Variants in PPP2R2A observed in about 807,000 individuals in gnomAD.
PPP2R2A encodes protein phosphatase 2 regulatory subunit Balpha, also known as serine/threonine-protein phosphatase 2A 55 kDa regulatory subunit B alpha isoform.
PPP2R2A carries 9 observed loss-of-function variants against 53.2 expected under a neutral mutation model. That is an observed-to-expected ratio of 0.17 (90% CI 0.10 to 0.30). The LOEUF (loss-of-function observed/expected upper bound fraction) is 0.30. Among genes scored for constraint, PPP2R2A ranks in the 10% least tolerant of loss-of-function variants. PPP2R2A has a pLI of 1.00. For missense variants in PPP2R2A, 235 were observed against 534.6 expected, an observed-to-expected ratio of 0.44 and a Z score of 5.53; for synonymous variants, 169 against 174.2, an observed-to-expected ratio of 0.97 and a Z score of 0.23.
intron 2 of PPP2R2A, among the ~76,000 whole-genome samples, chr8:26,303,380 G>A (rs1412279705): frequency 6.6e-6 from 1 of 152,126 alleles, no homozygotes; most frequent in Admixed American, 6.5e-5. Context: ...GCCTAATTTA[G>A]TGCCACTCCT....
At chr8:26,357,963 T>A (rs1215754487) in intron 4 of PPP2R2A, among the ~76,000 whole-genome samples, 4 of 152,104 alleles carry the variant, frequency 2.6e-5, no homozygotes, top group African/African-American at 9.7e-5. Flanking sequence ...CTTTGTCTTA[T>A]GGGCCAAAAA....
At chr8:26,306,475 GA>G (rs35167661) in intron 2 of PPP2R2A, among the ~76,000 whole-genome samples, 60,739 of 108,196 alleles carry the variant, frequency 0.56, 14,213 homozygotes, top group South Asian at 0.63. Flanking sequence ...GACTCTGTCT[GA>G]AAAAAAAAAA....
At chr8:26,316,458 G>T (rs1168787784) in intron 2 of PPP2R2A, among the ~76,000 whole-genome samples, 2 of 152,128 alleles carry the variant, frequency 1.3e-5, no homozygotes, top group African/African-American at 4.8e-5. Context: ...AGGTTTTAAA[G>T]AACTTAATAT....
chr8:26,293,390 C>T, intron 1 of PPP2R2A: 1 of 950,938 alleles, frequency 1.1e-6, no homozygotes, highest in Non-Finnish European at 1.6e-6. Flanking sequence ...GAATGTAAGG[C>T]TTTTACTGTA....
intron 2 of PPP2R2A, among the ~76,000 whole-genome samples, chr8:26,312,413 C>T (rs534620418): frequency 1.0e-3 from 153 of 152,278 alleles, no homozygotes; most frequent in African/African-American, 3.3e-3. Flanking sequence ...GGTGTTGCTG[C>T]TGGTGGTCCC....
intron 3 of PPP2R2A, among the ~76,000 whole-genome samples, chr8:26,349,263 T>C (rs1234224942): frequency 2.0e-5 from 3 of 152,138 alleles, no homozygotes; most frequent in African/African-American, 7.2e-5. Context: ...TGGGGATTTT[T>C]GTTTTGTTTT....
chr8:26,343,194 ATAAAT>A (rs1804037102), intron 3 of PPP2R2A, among the ~76,000 whole-genome samples: 1 of 152,028 alleles, frequency 6.6e-6, no homozygotes, highest in African/African-American at 2.4e-5. Context: ...TAAAAAATAA[ATAAAT>A]AAAATACAGA....
At chr8:26,330,312 T>C (rs1281185583) in intron 2 of PPP2R2A, among the ~76,000 whole-genome samples, 44 of 144,306 alleles carry the variant, frequency 3.0e-4, no homozygotes, top group South Asian at 1.3e-3. Context: ...TTTTTCTTTT[T>C]TTTTTTTTTT....
intron 3 of PPP2R2A, among the ~76,000 whole-genome samples, chr8:26,348,126 A>G (rs1194986983): frequency 2.0e-5 from 3 of 152,144 alleles, no homozygotes; most frequent in Admixed American, 1.3e-4. Context: ...ATAGAAGATG[A>G]ACATTAATAA....
intron 2 of PPP2R2A, among the ~76,000 whole-genome samples, chr8:26,320,720 CG>C (rs1298448262): frequency 3.9e-5 from 6 of 152,092 alleles, no homozygotes; most frequent in Non-Finnish European, 8.8e-5. Flanking sequence ...ATGTTTTAAA[CG>C]GAACCAAGTT....
chr8:26,296,540 A>G (rs2117186142), intron 2 of PPP2R2A, among the ~76,000 whole-genome samples: 1 of 152,300 alleles, frequency 6.6e-6, no homozygotes, highest in South Asian at 2.1e-4. Flanking sequence ...GAAATAACCT[A>G]TTTTTAAAGT....
At chr8:26,366,628 A>AT (rs1224313569) in intron 9 of PPP2R2A, among the ~76,000 whole-genome samples, 1 of 152,054 alleles carries the variant, frequency 6.6e-6, no homozygotes, top group Non-Finnish European at 1.5e-5. Context: ...AATGTCTAGA[A>AT]TTTTTTTTCT....
chr8:26,317,322 A>G (rs559589381), intron 2 of PPP2R2A, among the ~76,000 whole-genome samples: 1 of 152,256 alleles, frequency 6.6e-6, no homozygotes. Flanking sequence ...TTTTTAAAAT[A>G]TCTTTACTAT....
rs1397292044 is a variant in PPP2R2A, at chr8:26,371,856, G to A, written c.*1443G>A. The A allele has an allele frequency of 2.6e-5, 4 of 152,308 alleles. No individual in the cohort carries two copies. Among genetic ancestry groups the A allele is most frequent in the African/African-American group, 9.6e-5 (4 of 41,578 alleles). 9.4% of individuals were successfully genotyped at this position (152,308 alleles called of 1,614,324 possible). A position where few individuals can be genotyped will look rare whatever the true frequency, so the allele number is the denominator to read the frequency against. ...TGCTCCTATTTTTAATAGGTAGAATGTACCTTTGTCAGTCTTGCAGAAACT... is the reference window on the plus strand; with the variant it reads ...TGCTCCTATTTTTAATAGGTAGAATATACCTTTGTCAGTCTTGCAGAAACT... On this transcript the variant is annotated 3_prime_UTR_variant, in exon 10 of 10. Transcript: ENST00000380737.
intron 2 of PPP2R2A, among the ~76,000 whole-genome samples, chr8:26,305,345 C>T (rs903776173): frequency 1.5e-4 from 23 of 152,068 alleles, no homozygotes; most frequent in South Asian, 2.1e-4. Flanking sequence ...TTTTAACTCT[C>T]GAGCTCCTAG....
At chr8:26,308,087 G>A (rs1277737978) in intron 2 of PPP2R2A, among the ~76,000 whole-genome samples, 1 of 152,230 alleles carries the variant, frequency 6.6e-6, no homozygotes, top group Non-Finnish European at 1.5e-5. Flanking sequence ...TCTGTTAAGT[G>A]TATAATAGCG....
chr8:26,329,241 C>T (rs554283778), intron 2 of PPP2R2A, among the ~76,000 whole-genome samples: 1 of 152,170 alleles, frequency 6.6e-6, no homozygotes, highest in East Asian at 1.9e-4. Flanking sequence ...TTCTCTGTGA[C>T]TCTTAATTGC....
chr8:26,293,221 A>G, intron 1 of PPP2R2A: 1 of 1,535,398 alleles, frequency 6.5e-7, no homozygotes, highest in Non-Finnish European at 8.7e-7. Flanking sequence ...GGTTCATATG[A>G]ATCATTACTC....
chr8:26,343,756 T>C (rs1394172865), intron 3 of PPP2R2A, among the ~76,000 whole-genome samples: 2 of 152,316 alleles, frequency 1.3e-5, no homozygotes, highest in African/African-American at 2.4e-5. Context: ...TTGAGTAATA[T>C]ATGTTTTAAG....
Sources: allele counts gnomAD v4.1 joint callset (sites outside exome capture counted in the v4.1 genomes callset), GRCh38; gene constraint gnomAD v4.1.1; transcripts MANE v1.5; gene names NCBI Gene and HGNC (gene_info 2026-07-23, HGNC 2026-07-21).